Variants in YIPF1 observed in about 807,000 individuals in gnomAD.
The protein encoded by YIPF1 is Yip1 domain family member 1.
In YIPF1, 22 loss-of-function variants were observed where a neutral mutation model predicts 37.0. The ratio of observed to expected loss-of-function variants is 0.59; its 90% CI spans 0.42 to 0.85. The LOEUF (loss-of-function observed/expected upper bound fraction) is 0.85, where lower values mean the gene tolerates loss of function less well. YIPF1 is among the 40% of genes least tolerant of loss of function. YIPF1 has a pLI of 0.00. For missense variants in YIPF1, 355 were observed against 373.1 expected (o/e 0.95, Z 0.40); for synonymous variants, 128 against 131.9 (o/e 0.97, Z 0.21).
At chr1:53,865,623 G>C (rs1196296323) in intron 9 of YIPF1, among the ~76,000 whole-genome samples, 3 of 151,982 alleles carry the variant, frequency 2.0e-5, no homozygotes, top group Non-Finnish European at 2.9e-5. Context: ...AGGAACAAAT[G>C]TATACAGACA....
Position 53,889,701 on chromosome 1 carries a change from C to T in YIPF1, c.-270+12G>A, listed in dbSNP as rs1650756689. 1.3e-5 allele frequency: 2 copies of T among 152,302 alleles called. No individual in the cohort carries two copies. Among genetic ancestry groups the T allele is most frequent in the African/African-American group, 2.4e-5 (1 of 41,458 alleles). 9.4% of individuals were successfully genotyped at this position (152,302 alleles called of 1,614,324 possible). ...TAGCCTCGTACAGGTCCCGCAAACT[C>T]GGCAGCCTCACCTCGCGGGGTTAGG... On this transcript the variant is annotated intron_variant, in intron 1 of 10. Transcript: ENST00000072644.
intron 10 of YIPF1, 94 bp downstream of exon 10, chr1:53,859,962 T>C: frequency 8.1e-7 from 1 of 1,239,246 alleles, no homozygotes; most frequent in Non-Finnish European, 1.2e-6. Flanking sequence ...TGAAAGGGTC[T>C]GGCCCTCTGT....
intron 3 of YIPF1, among the ~76,000 whole-genome samples, chr1:53,885,076 ACT>A (rs1370240243): frequency 6.6e-6 from 1 of 152,088 alleles, no homozygotes; most frequent in Non-Finnish European, 1.5e-5. Flanking sequence ...TCAAGGTAAG[ACT>A]CTTAATACTC....
At chr1:53,884,261 C>CA (rs894909158) in intron 3 of YIPF1, among the ~76,000 whole-genome samples, 7 of 130,302 alleles carry the variant, frequency 5.4e-5, no homozygotes, top group African/African-American at 1.4e-4. Context: ...ACCCAAAAAA[C>CA]AAAAAAACAC....
Position 53,867,589 on chromosome 1 carries a change from G to GTCTCGATC in YIPF1, c.482-666_482-665insGATCGAGA, listed in dbSNP as rs1650066458. ...GGGTTTCACCGTGTTAGCCAGGATG[G>GTCTCGATC]TCCTGACCTCGTGATCCGCCCGCCT... On this transcript the variant is annotated intron_variant, in intron 7 of 10. Coordinates refer to ENST00000072644, the MANE Select transcript of YIPF1 (RefSeq NM_018982.5). 2.0e-5 allele frequency among the ~76,000 whole-genome samples: 3 copies of GTCTCGATC among 151,874 alleles called. No individual in the cohort carries two copies. The South Asian group carries it at 6.2e-4, about 31-fold the overall frequency.
intron 7 of YIPF1, among the ~76,000 whole-genome samples, chr1:53,870,937 A>G (rs753619910): frequency 1.4e-5 from 2 of 146,320 alleles, no homozygotes; most frequent in Non-Finnish European, 3.0e-5. Flanking sequence ...ACTTGAGCCC[A>G]GGGAGGTGGA....
intron 4 of YIPF1, among the ~76,000 whole-genome samples, chr1:53,882,058 C>A (rs12078726): frequency 0.025 from 3,817 of 152,214 alleles, 173 homozygotes; most frequent in African/African-American, 0.088. Flanking sequence ...ATGTCCTTTG[C>A]AGGGACATGG....
chr1:53,873,712 G>C (rs889891652), intron 6 of YIPF1, among the ~76,000 whole-genome samples: 26 of 151,878 alleles, frequency 1.7e-4, no homozygotes, highest in African/African-American at 5.1e-4. Context: ...GTGGGGGCGG[G>C]GGGGAATGCG....
At chr1:53,854,256 AAAAG>A (rs1306319307) in intron 10 of YIPF1, among the ~76,000 whole-genome samples, 9 of 352 alleles carry the variant, frequency 0.026, no homozygotes, top group Admixed American at 0.21. Context: ...TGTCTGAAAA[AAAAG>A]AAAAAAAAAA....
intron 7 of YIPF1, among the ~76,000 whole-genome samples, chr1:53,870,215 A>G (rs1650149492): frequency 8.1e-6 from 1 of 123,100 alleles, no homozygotes; most frequent in African/African-American, 3.2e-5. Flanking sequence ...TCTGTCACCC[A>G]GGCTGGAGTG....
intron 6 of YIPF1, among the ~76,000 whole-genome samples, chr1:53,874,833 A>G (rs1257063968): frequency 6.6e-6 from 1 of 152,158 alleles, no homozygotes; most frequent in Non-Finnish European, 1.5e-5. Context: ...GCTTTTTAAA[A>G]TCATTGTGCT....
intron 10 of YIPF1, among the ~76,000 whole-genome samples, chr1:53,855,961 T>C (rs1164661653): frequency 6.6e-6 from 1 of 152,190 alleles, no homozygotes; most frequent in Non-Finnish European, 1.5e-5. Context: ...TACACAGATT[T>C]ACATGGGGAA....
chr1:53,873,602 TAGG>T (rs1348109434), intron 6 of YIPF1, among the ~76,000 whole-genome samples: 7 of 151,534 alleles, frequency 4.6e-5, no homozygotes, highest in Admixed American at 4.6e-4. Flanking sequence ...CACTTGAGGC[TAGG>T]AGTTTGAGGC....
At chr1:53,862,701 A>G (rs1649915540) in intron 9 of YIPF1, among the ~76,000 whole-genome samples, 2 of 152,186 alleles carry the variant, frequency 1.3e-5, no homozygotes, top group Non-Finnish European at 2.9e-5. Context: ...CCTCAGCTCA[A>G]ATAACTCCCC....
chr1:53,858,146 G>A (rs915768801), intron 10 of YIPF1, among the ~76,000 whole-genome samples: 1 of 152,086 alleles, frequency 6.6e-6, no homozygotes, highest in Admixed American at 6.6e-5. Context: ...ATGTCTCCAA[G>A]GGCTCTGATC....
At chr1:53,861,127 T>C (rs1649863300) in intron 9 of YIPF1, among the ~76,000 whole-genome samples, 1 of 152,224 alleles carries the variant, frequency 6.6e-6, no homozygotes, top group African/African-American at 2.4e-5. Context: ...CCATGTTAAC[T>C]CTTTTTGAAA....
chr1:53,871,237 G>C, intron 7 of YIPF1, 135 bp downstream of exon 7: 1 of 674,432 alleles, frequency 1.5e-6, no homozygotes, highest in Non-Finnish European at 2.6e-6. Flanking sequence ...CTACACATTT[G>C]AGTAGATACA....
rs1052531502 is a variant in YIPF1, at chr1:53,866,504, T to C, written c.649-122A>G. 10 of 1,126,012 alleles carry C rather than the reference T, an allele frequency of 8.9e-6. No individual in the cohort carries two copies. In the Admixed American group the frequency reaches 2.4e-4, roughly 27 times the overall value. The allele number at this position is 1,126,012 out of a possible 1,614,324, so 69.8% of individuals were successfully genotyped here. ...TGGGCCCCCATTGCCACTCTGGTTTTTCAGTACAGGCTGGAGGAACACCAC... is the reference window on the plus strand; with the variant it reads ...TGGGCCCCCATTGCCACTCTGGTTTCTCAGTACAGGCTGGAGGAACACCAC... On this transcript the variant is annotated intron_variant, in intron 8 of 10. Coordinates refer to ENST00000072644, the MANE Select transcript of YIPF1 (RefSeq NM_018982.5).
chr1:53,855,287 C>T (rs1290413154), intron 10 of YIPF1, among the ~76,000 whole-genome samples: 1 of 151,852 alleles, frequency 6.6e-6, no homozygotes, highest in Admixed American at 6.6e-5. Context: ...GTCACTGCCC[C>T]TGGAAAGCTC....
Sources: allele counts gnomAD v4.1 joint callset (sites outside exome capture counted in the v4.1 genomes callset), GRCh38; gene constraint gnomAD v4.1.1; transcripts MANE v1.5; gene names NCBI Gene and HGNC (gene_info 2026-07-23, HGNC 2026-07-21).